Variants in ARHGEF38 observed in about 807,000 individuals in gnomAD.
ARHGEF38 encodes Rho guanine nucleotide exchange factor 38, also known as Rho guanine nucleotide exchange factor (GEF) 38.
Under a neutral mutation model 79.9 loss-of-function variants are expected in ARHGEF38, and 79 were observed. The ratio of observed to expected loss-of-function variants is 0.99; its 90% CI spans 0.82 to 1.19. ARHGEF38 has a LOEUF of 1.19. Among genes scored for constraint, ARHGEF38 ranks in the 50% most tolerant of loss-of-function variants. The pLI is 0.00. For synonymous variants in ARHGEF38, 366 were observed against 328.3 expected (o/e 1.11, Z -1.24); for missense variants, 962 against 907.2 (o/e 1.06, Z -0.78).
intron 5 of ARHGEF38, among the ~76,000 whole-genome samples, chr4:105,639,467 T>C (rs1729533888): frequency 6.6e-6 from 1 of 152,046 alleles, no homozygotes; most frequent in African/African-American, 2.4e-5. Context: ...CATTAGTTTA[T>C]AAAGGATGAT....
At chr4:105,565,839 A>G (rs181610893) in intron 1 of ARHGEF38, among the ~76,000 whole-genome samples, 1 of 152,304 alleles carries the variant, frequency 6.6e-6, no homozygotes, top group Admixed American at 6.5e-5. Flanking sequence ...TCTGAGAGTC[A>G]GCTTTGACTT....
rs1465942121 is a variant in ARHGEF38 at position 105,680,794 on chromosome 4, A to G, written c.*2857A>G. ...TAAACTAAAGTCCCCTCTGAGGTAC[A>G]ACAGAAATTAAAATAATTGCTTCTC... On this transcript the variant is annotated 3_prime_UTR_variant, in exon 14 of 14. Transcript: ENST00000420470. 1 of 152,232 alleles carries G rather than the reference A, an allele frequency of 6.6e-6. No individual in the cohort carries two copies. The highest frequency in any genetic ancestry group is 2.4e-5 in the African/African-American group (1 of 41,466). The allele number at this position is 152,232 out of a possible 1,614,324, so 9.4% of individuals were successfully genotyped here.
chr4:105,657,014 A>G (rs1348383631), intron 9 of ARHGEF38, among the ~76,000 whole-genome samples: 1 of 151,954 alleles, frequency 6.6e-6, no homozygotes, highest in East Asian at 1.9e-4. Context: ...GATGGTGATG[A>G]TGAGATAGAT....
At chr4:105,682,039 G>A (rs527720953), downstream of ARHGEF38, among the ~76,000 whole-genome samples, 75 of 152,210 alleles carry the variant, frequency 4.9e-4, no homozygotes, top group African/African-American at 1.6e-3. Context: ...CATTTATTAC[G>A]TACTATGTGC....
Position 105,667,124 on chromosome 4 carries a change from CCCAG to C in ARHGEF38, c.1690_1693del. 1 of 1,528,252 alleles carries C rather than the reference CCCAG, an allele frequency of 6.5e-7. No individual in the cohort carries two copies. Among genetic ancestry groups the C allele is most frequent in the East Asian group, 2.5e-5 (1 of 40,740 alleles). The allele number at this position is 1,528,252 out of a possible 1,614,324, so 94.7% of individuals were successfully genotyped here. A position where few individuals can be genotyped will look rare whatever the true frequency, so the allele number is the denominator to read the frequency against. ...TAAACCAAAACTTCTCCTTATTTCT[CCCAG>C]CCAGAAATGCCACATCAAACTGACA... On this transcript the variant is annotated splice_acceptor_variant and splice_polypyrimidine_tract_variant and intron_variant, in intron 11 of 13. Coordinates refer to ENST00000420470, the MANE Select transcript of ARHGEF38 (RefSeq NM_001242729.2). LOFTEE classifies it high-confidence loss of function.
rs550820799 is a variant in ARHGEF38, at chr4:105,605,430, A to C, written c.385-7954A>C. Among the ~76,000 whole-genome samples, 183 of 151,162 alleles carry C rather than the reference A, an allele frequency of 1.2e-3. 2 individuals carry two copies. Among genetic ancestry groups the C allele is most frequent in the African/African-American group, 4.1e-3 (167 of 41,140 alleles). On this transcript the variant is annotated intron_variant, in intron 2 of 13. Coordinates refer to ENST00000420470, the MANE Select transcript of ARHGEF38 (RefSeq NM_001242729.2). ...CTGAGATTTCTGTTCCAGAACTCCC[A>C]CTCCCCTTTCTGCAAAGGGACTAAC...
At chr4:105,567,544 C>T (rs1221373109) in intron 1 of ARHGEF38, among the ~76,000 whole-genome samples, 2 of 152,074 alleles carry the variant, frequency 1.3e-5, no homozygotes, top group African/African-American at 2.4e-5. Flanking sequence ...GAAAAATATG[C>T]CCCTTGATTG....
chr4:105,608,909 C>A (rs192813758), intron 2 of ARHGEF38, among the ~76,000 whole-genome samples: 2 of 152,096 alleles, frequency 1.3e-5, no homozygotes, highest in East Asian at 1.9e-4. Flanking sequence ...CATATTAACA[C>A]CCCTTATCAG....
In ARHGEF38 at chr4:105,680,442, C is replaced by G; in HGVS notation, c.*2505C>G. ...GACAAACAAGATCCCTCCATTCATA[C>G]CACTTAAATTCTAGTGGGGAAAACA... On this transcript the variant is annotated 3_prime_UTR_variant, in exon 14 of 14. Coordinates refer to ENST00000420470, the MANE Select transcript of ARHGEF38 (RefSeq NM_001242729.2). 1 of 161,128 alleles carries G rather than the reference C, an allele frequency of 6.2e-6. No homozygotes were observed. The highest frequency in any genetic ancestry group is 1.4e-5 in the Non-Finnish European group (1 of 73,556). 10.0% of individuals were successfully genotyped at this position (161,128 alleles called of 1,614,324 possible).
intron 2 of ARHGEF38, among the ~76,000 whole-genome samples, chr4:105,603,383 A>T (rs1036172929): frequency 1.3e-5 from 2 of 151,984 alleles, no homozygotes; most frequent in Non-Finnish European, 2.9e-5. Context: ...CCTCGGGAGG[A>T]TGGGTGAGGA....
chr4:105,661,474 TTTATTATTATTATTATTA>T (rs140964351), intron 10 of ARHGEF38, among the ~76,000 whole-genome samples: 2,771 of 141,778 alleles, frequency 0.02, 41 homozygotes, highest in Middle Eastern at 0.04. Flanking sequence ...TCCACACCTC[TTTATTATTATTATTATTA>T]TTATTATTAT....
At chr4:105,630,223 G>A (rs189750619) in intron 3 of ARHGEF38, among the ~76,000 whole-genome samples, 3 of 150,798 alleles carry the variant, frequency 2.0e-5, no homozygotes, top group African/African-American at 7.3e-5. Context: ...ACTCAAATCC[G>A]TGCACACCAA....
At chr4:105,600,733 T>C (rs369762404) in intron 2 of ARHGEF38, among the ~76,000 whole-genome samples, 1 of 152,144 alleles carries the variant, frequency 6.6e-6, no homozygotes, top group Non-Finnish European at 1.5e-5. Context: ...CAAAACTGAG[T>C]TCCTAATTTC....
chr4:105,554,061 T>A (rs960112717), intron 1 of ARHGEF38, among the ~76,000 whole-genome samples: 6 of 151,970 alleles, frequency 3.9e-5, no homozygotes, highest in Admixed American at 2.6e-4. Context: ...AAAAAAAAAA[T>A]TACCAGTAGT....
chr4:105,659,935 G>A (rs1426113630), intron 10 of ARHGEF38, among the ~76,000 whole-genome samples: 1 of 151,302 alleles, frequency 6.6e-6, no homozygotes, highest in African/African-American at 2.4e-5. Flanking sequence ...TTTTCCTGAT[G>A]AGGAAGAAAG....
intron 1 of ARHGEF38, among the ~76,000 whole-genome samples, chr4:105,568,696 C>G (rs537376060): frequency 8.5e-5 from 13 of 152,252 alleles, no homozygotes; most frequent in African/African-American, 2.9e-4. Flanking sequence ...TTTGTGTTCT[C>G]CACAGTCAAA....
chr4:105,670,308 T>C (rs1213542469), intron 13 of ARHGEF38, among the ~76,000 whole-genome samples: 2 of 152,196 alleles, frequency 1.3e-5, no homozygotes, highest in Non-Finnish European at 2.9e-5. Context: ...TAGTTATTAT[T>C]TGTCTTTTTA....
intron 1 of ARHGEF38, among the ~76,000 whole-genome samples, chr4:105,566,953 A>G (rs1725951386): frequency 6.6e-6 from 1 of 152,120 alleles, no homozygotes. Context: ...AGATTTCTCC[A>G]TGTTGGTCAG....
rs1560684446 is a variant in ARHGEF38, at chr4:105,561,444, A to AATGGAATGGAATG, written c.196+8483_196+8484insATGGAATGGAATG. On this transcript the variant is annotated intron_variant, in intron 1 of 13. Transcript: ENST00000420470. ...AGAATGGAATAGAATAGAATAGAAT[A>AATGGAATGGAATG]GAATGGAATAGAATAGAATAGAATA... 74 of 42,884 alleles carry AATGGAATGGAATG rather than the reference A, an allele frequency of 1.7e-3. 1 individual carries two copies. Among genetic ancestry groups the AATGGAATGGAATG allele is most frequent in the South Asian group, 3.7e-3 (5 of 1,352 alleles). 2.7% of individuals were successfully genotyped at this position (42,884 alleles called of 1,614,324 possible). A position where few individuals can be genotyped will look rare whatever the true frequency, so the allele number is the denominator to read the frequency against.
Sources: allele counts gnomAD v4.1 joint callset (sites outside exome capture counted in the v4.1 genomes callset), GRCh38; gene constraint gnomAD v4.1.1; transcripts MANE v1.5; gene names NCBI Gene and HGNC (gene_info 2026-07-23, HGNC 2026-07-21).